Variants in PADI3 observed in about 807,000 individuals in gnomAD.
PADI3 encodes peptidyl arginine deiminase 3, also known as protein-arginine deiminase type-3.
In PADI3, 53 loss-of-function variants were observed where a neutral mutation model predicts 71.5. The observed-to-expected ratio is 0.74, with a 90% CI of 0.59 to 0.93. The LOEUF (loss-of-function observed/expected upper bound fraction) is 0.93, where lower values mean the gene tolerates loss of function less well. Among genes scored for constraint, PADI3 ranks in the 40% least tolerant of loss-of-function variants. PADI3 has a pLI of 0.00. For missense variants in PADI3, 821 were observed against 868.0 expected (o/e 0.95, Z 0.68); for synonymous variants, 361 against 347.5 (o/e 1.04, Z -0.43).
chr1:17,267,754 C>T (rs1254234858), intron 5 of PADI3, 83 bp from the exon 6 acceptor site: 6 of 1,543,026 alleles, frequency 3.9e-6, no homozygotes, highest in Non-Finnish European at 5.3e-6. Context: ...TACCCACTGA[C>T]CTGGGGAGGG....
rs538240124 is a variant in PADI3, at chr1:17,273,390, G to T, written c.1098G>T (p.Val366=). ...YVQAPHKTLP[V]VFDSPRNGEL... ...AGGCGCCGCACAAGACCCTCCCGGT[G>T]GTCTTTGACTCCCCAAGGAATGGGG... Residue 366 remains valine, a synonymous_variant, in exon 10 of 16, where the codon GTG becomes GTT. Transcript: ENST00000375460. The T allele has an allele frequency of 3.5e-5, 56 of 1,613,864 alleles. No individual in the cohort carries two copies. The South Asian group carries it at 5.5e-4, about 16-fold the overall frequency.
At position 17,262,169 on chromosome 1, in the gene PADI3, C is replaced by T. The variant is rs894868384; in HGVS notation, c.310C>T (p.Pro104Ser). 45 of 1,613,290 alleles carry T rather than the reference C, an allele frequency of 2.8e-5. No individual in the cohort carries two copies. The highest frequency in any genetic ancestry group is 1.5e-4 in the Admixed American group (9 of 59,818). The change falls in exon 3 of 16, where the codon CCC becomes TCC. Residue 104 changes from proline (P) to serine (S), a missense_variant. Physicochemically the swap from Pro to Ser is moderately conservative, Grantham distance 74. Transcript: ENST00000375460. ...CTACCACTCCAGCCATGAGCCTCTG[C>T]CCCTGGCCTATGCGGTGCTCTACCT... Reference protein sequence around the residue: ...ISYHSSHEPLPLAYAVLYLTC... With the variant: ...ISYHSSHEPLSLAYAVLYLTC...
chr1:17,282,887 G>T lies in PADI3; in HGVS notation c.1803G>T (p.Lys601Asn), dbSNP rs1416252569. The T allele has an allele frequency of 6.2e-7, 1 of 1,613,954 alleles. No individual in the cohort carries two copies. Among genetic ancestry groups the T allele is most frequent in the Non-Finnish European group, 8.5e-7 (1 of 1,179,934 alleles). ...LVLGKHLGIP[K>N]PFGPIINGCC... ...TGGGGAAGCACCTGGGCATCCCCAA[G>T]CCCTTTGGGCCCATCATCAATGGCT... The change falls in exon 16 of 16, where the codon AAG becomes AAT. Residue 601 changes from lysine (K) to asparagine (N), a missense_variant. By Grantham distance (94) the Lys-to-Asn change is moderately conservative. Transcript: ENST00000375460.
At chr1:17,254,979 G>A (rs2100557165) in intron 1 of PADI3, among the ~76,000 whole-genome samples, 1 of 152,142 alleles carries the variant, frequency 6.6e-6, no homozygotes, top group African/African-American at 2.4e-5. Context: ...GCCTCCCAAA[G>A]TGCTGGGATT....
chr1:17,258,191 C>T (rs1043223270), intron 1 of PADI3, among the ~76,000 whole-genome samples: 13 of 152,206 alleles, frequency 8.5e-5, no homozygotes, highest in Non-Finnish European at 1.2e-4. Flanking sequence ...ACTGTTATCC[C>T]CCAGGGGCAT....
chr1:17,259,821 G>A (rs765320274), intron 2 of PADI3, 63 bp downstream of exon 2: 5 of 1,415,274 alleles, frequency 3.5e-6, no homozygotes, highest in Non-Finnish European at 4.8e-6. Context: ...AGCTCTAGGA[G>A]GGCCCAACAT....
chr1:17,281,833 A>G (rs1275316007), intron 15 of PADI3, among the ~76,000 whole-genome samples: 1 of 152,172 alleles, frequency 6.6e-6, no homozygotes, highest in Non-Finnish European at 1.5e-5. Context: ...AGCAGGTCTA[A>G]AGCACGGCCC....
chr1:17,266,681 C>G (rs368965479), intron 4 of PADI3, 38 bp from the exon 5 acceptor site: 1 of 1,544,808 alleles, frequency 6.5e-7, no homozygotes. Context: ...CAGGTCTCAT[C>G]TGAGCCCTCA....
chr1:17,261,041 T>G (rs921524779), intron 2 of PADI3, among the ~76,000 whole-genome samples: 3 of 152,192 alleles, frequency 2.0e-5, no homozygotes, highest in Non-Finnish European at 4.4e-5. Context: ...GCATCACTGC[T>G]GGTGATTGAC....
At chr1:17,276,489 C>G (rs2073331801) in intron 11 of PADI3, 30 bp from the exon 12 acceptor site, 1 of 1,612,374 alleles carries the variant, frequency 6.2e-7, no homozygotes. Context: ...TTTAGTTAAG[C>G]AACTTTTTTT....
chr1:17,262,054 A>T, intron 2 of PADI3, 79 bp from the exon 3 acceptor site: 1 of 1,303,520 alleles, frequency 7.7e-7, no homozygotes, highest in Non-Finnish European at 1.1e-6. Context: ...TCCCCTCCTT[A>T]CCAGATCCCC....
intron 15 of PADI3, among the ~76,000 whole-genome samples, chr1:17,282,570 A>C (rs1347247007): frequency 1.3e-5 from 2 of 152,200 alleles, no homozygotes; most frequent in Non-Finnish European, 2.9e-5. Context: ...GGGATTCTGC[A>C]GCACAAACAT....
At chr1:17,282,678 C>G (rs1472552082) in intron 15 of PADI3, among the ~76,000 whole-genome samples, 168 bp from the exon 16 acceptor site, 3 of 152,248 alleles carry the variant, frequency 2.0e-5, no homozygotes, top group Admixed American at 6.5e-5. Context: ...AGGCACCTGG[C>G]TAACCGGTTC....
chr1:17,268,011 G>A (rs199678479), intron 6 of PADI3, 49 bp downstream of exon 6: 21 of 1,607,648 alleles, frequency 1.3e-5, no homozygotes, highest in Non-Finnish European at 1.8e-5. Flanking sequence ...TTGCCAGGTT[G>A]CCTACCAGGG....
At chr1:17,254,723 T>TTTTTA (rs1340704636) in intron 1 of PADI3, among the ~76,000 whole-genome samples, 1 of 150,364 alleles carries the variant, frequency 6.7e-6, no homozygotes, top group Non-Finnish European at 1.5e-5. Context: ...CAGCATTTTT[T>TTTTTA]TTTTTTTTTT....
intron 1 of PADI3, 151 bp from the exon 2 acceptor site, chr1:17,259,427 G>A: frequency 6.3e-6 from 4 of 631,680 alleles, no homozygotes; most frequent in Non-Finnish European, 8.2e-6. Flanking sequence ...GTGGGGTCCA[G>A]GCTTGACTCG....
chr1:17,268,540 C>T (rs1173369539), intron 6 of PADI3, among the ~76,000 whole-genome samples: 1 of 122,672 alleles, frequency 8.2e-6, no homozygotes, highest in Non-Finnish European at 1.6e-5. Context: ...CAGAGTCTCG[C>T]TCTGTTGCTC....
intron 2 of PADI3, 38 bp from the exon 3 acceptor site, chr1:17,262,095 G>C (rs1211568888): frequency 6.3e-7 from 1 of 1,593,708 alleles, no homozygotes; most frequent in Non-Finnish European, 8.6e-7. Context: ...GGAGCTCTTG[G>C]CTTCTGCTGG....
At chr1:17,257,222 T>TC (rs1205062576) in intron 1 of PADI3, among the ~76,000 whole-genome samples, 1 of 151,962 alleles carries the variant, frequency 6.6e-6, no homozygotes, top group Non-Finnish European at 1.5e-5. Flanking sequence ...AGTCTCTCTG[T>TC]CCCTATCTCT....
Sources: gnomAD v4.1 joint callset for allele counts (sites outside exome capture counted in the v4.1 genomes callset) on GRCh38, gnomAD v4.1.1 for gene constraint, MANE v1.5 for transcripts, NCBI Gene and HGNC (gene_info 2026-07-23, HGNC 2026-07-21) for gene names.